EBAG9: variants seen among roughly 807,000 people sequenced by gnomAD.
EBAG9 encodes the protein receptor-binding cancer antigen expressed on SiSo cells.
EBAG9 carries 16 observed loss-of-function variants against 30.9 expected under a neutral mutation model. The ratio of observed to expected loss-of-function variants is 0.52; its 90% CI spans 0.35 to 0.79. The LOEUF is 0.79. Ranked by LOEUF, EBAG9 falls within the 30% of genes least tolerant of loss-of-function variation. The pLI, the probability that EBAG9 is intolerant of heterozygous loss-of-function variation, is 0.01. For missense variants in EBAG9, 197 were observed against 242.1 expected (o/e 0.81, Z 1.24); for synonymous variants, 93 against 82.8 (o/e 1.12, Z -0.67).
intron 1 of EBAG9, among the ~76,000 whole-genome samples, chr8:109,542,765 A>C (rs2131095713): frequency 6.6e-6 from 1 of 152,308 alleles, no homozygotes; most frequent in South Asian, 2.1e-4. Flanking sequence ...TGCAAATGGT[A>C]ACTGAAGGTA....
chr8:109,544,299 T>A (rs954434188), intron 1 of EBAG9, among the ~76,000 whole-genome samples: 1 of 152,168 alleles, frequency 6.6e-6, no homozygotes, highest in Non-Finnish European at 1.5e-5. Context: ...TGTGCTTTTT[T>A]ATTCTGGGAA....
chr8:109,563,425 T>C, intron 6 of EBAG9: 3 of 1,597,584 alleles, frequency 1.9e-6, no homozygotes, highest in Non-Finnish European at 2.5e-6. Context: ...TTTACTCTGC[T>C]CTCTCCTGTT....
intron 1 of EBAG9, among the ~76,000 whole-genome samples, chr8:109,546,529 C>G (rs933625766): frequency 6.6e-6 from 1 of 152,188 alleles, no homozygotes. Flanking sequence ...CTCGAGCAAC[C>G]TTGTCCAGTC....
rs1398839249 is a variant in EBAG9, at chr8:109,554,818, A to G, written c.252A>G (p.Gln84=). The G allele has an allele frequency of 6.2e-7, 1 of 1,613,890 alleles. No individual in the cohort carries two copies. The highest frequency in any genetic ancestry group is 1.1e-5 in the South Asian group (1 of 91,068). ...GGAATGGGAATGTGGCAACACAACAAAATTCTTTGGAACAACTGGAACCTG... is the reference window on the plus strand; with the variant it reads ...GGAATGGGAATGTGGCAACACAACAGAATTCTTTGGAACAACTGGAACCTG... The part of the protein sequence containing the change: ...EGGNGNVATQ[Q]NSLEQLEPDY... The change falls in exon 4 of 7, where the codon CAA becomes CAG. Residue 84 remains glutamine (Q), a synonymous_variant. Transcript: ENST00000337573.
At chr8:109,559,926 T>G (rs1821678119) in intron 5 of EBAG9, among the ~76,000 whole-genome samples, 1 of 152,150 alleles carries the variant, frequency 6.6e-6, no homozygotes, top group Admixed American at 6.5e-5. Flanking sequence ...GCTTTAAAAA[T>G]CCTCCTTTCA....
At chr8:109,554,965 A>AT (rs1821568202) in intron 4 of EBAG9, 78 bp downstream of exon 4, 2 of 1,399,736 alleles carry the variant, frequency 1.4e-6, no homozygotes. Flanking sequence ...TACAATTCAC[A>AT]TTTATTAGAA....
At chr8:109,556,863 T>C (rs1821607908) in intron 4 of EBAG9, 72 bp from the exon 5 acceptor site, 2 of 677,706 alleles carry the variant, frequency 3.0e-6, no homozygotes, top group Non-Finnish European at 4.5e-6. Flanking sequence ...AATTAGAAAA[T>C]GTTTTGGTTG....
chr8:109,563,504 G>C, intron 6 of EBAG9: 1 of 1,597,142 alleles, frequency 6.3e-7, no homozygotes, highest in Non-Finnish European at 8.5e-7. Flanking sequence ...GTGAGTCTGG[G>C]TCAGTGGAGT....
chr8:109,554,030 G>A, intron 3 of EBAG9, 87 bp downstream of exon 3: 2 of 912,672 alleles, frequency 2.2e-6, no homozygotes, highest in East Asian at 3.0e-5. Flanking sequence ...AAACTGGATT[G>A]CAGATCATTA....
Position 109,565,411 on chromosome 8 carries a change from C to T in EBAG9, c.*852C>T, listed in dbSNP as rs1012541212. On this transcript the variant is annotated 3_prime_UTR_variant, in exon 7 of 7. Transcript: ENST00000337573. The stretch of plus-strand genomic sequence containing the variant: ...TTACAAATGCTTAAAGCCATCAGGT[C>T]AAATATTTCAAAGCCTTTAGATGAT... The T allele has an allele frequency of 1.3e-5, 2 of 151,980 alleles. No homozygotes were observed. The highest frequency in any genetic ancestry group is 1.3e-4 in the Admixed American group (2 of 15,254). The allele number at this position is 151,980 out of a possible 1,614,324, so 9.4% of individuals were successfully genotyped here.
rs1051811226 is a variant in EBAG9 at position 109,565,221 on chromosome 8, C to T, written c.*662C>T. 4 of 152,394 alleles carry T rather than the reference C, an allele frequency of 2.6e-5. No individual in the cohort carries two copies. The highest frequency in any genetic ancestry group is 9.7e-5 in the African/African-American group (4 of 41,410). 9.4% of individuals were successfully genotyped at this position (152,394 alleles called of 1,614,324 possible). Reference sequence around the variant, plus strand: ...GTGTTGTCATACATGTAATTTATATCACATGTATAAACATTGAAAATCAAC... The same window carrying T: ...GTGTTGTCATACATGTAATTTATATTACATGTATAAACATTGAAAATCAAC... On this transcript the variant is annotated 3_prime_UTR_variant, in exon 7 of 7. Coordinates refer to ENST00000337573, the MANE Select transcript of EBAG9 (RefSeq NM_004215.5).
chr8:109,545,682 A>C lies in EBAG9; in HGVS notation c.-15-5128A>C, dbSNP rs763875682. Among the ~76,000 whole-genome samples the C allele has an allele frequency of 5.9e-5, 9 of 152,238 alleles. No homozygotes were observed. In the South Asian group the frequency reaches 6.2e-4, roughly 11 times the overall value. On this transcript the variant is annotated intron_variant, in intron 1 of 6. Coordinates refer to ENST00000337573, the MANE Select transcript of EBAG9 (RefSeq NM_004215.5). ...CCAGCATAGTTTTATCATTTTTAGA[A>C]TCTTTATTCCTATCATTGCTATGGC... is the stretch of plus-strand genomic sequence containing the variant.
At chr8:109,556,914 C>A (rs1772144290) in intron 4 of EBAG9, 21 bp from the exon 5 acceptor site, 9 of 1,418,766 alleles carry the variant, frequency 6.3e-6, no homozygotes, top group Non-Finnish European at 8.7e-6. Context: ...CCCTATAATT[C>A]TTTTTCAATT....
At chr8:109,553,809 T>G (rs1821541162) in intron 2 of EBAG9, 56 bp from the exon 3 acceptor site, 1 of 1,416,058 alleles carries the variant, frequency 7.1e-7, no homozygotes, top group Non-Finnish European at 9.8e-7. Flanking sequence ...ATAATAGTGC[T>G]TTTACTTTGC....
chr8:109,554,962 C>T, intron 4 of EBAG9, 75 bp downstream of exon 4: 1 of 1,372,070 alleles, frequency 7.3e-7, no homozygotes, highest in Non-Finnish European at 1.0e-6. Context: ...TGATACAATT[C>T]ACATTTATTA....
At chr8:109,562,515 G>A (rs889194517) in intron 6 of EBAG9, among the ~76,000 whole-genome samples, 3 of 151,864 alleles carry the variant, frequency 2.0e-5, no homozygotes, top group African/African-American at 7.3e-5. Flanking sequence ...TCCACATTCC[G>A]TATTGTCTAA....
chr8:109,561,365 A>G (rs1200944780), intron 6 of EBAG9, among the ~76,000 whole-genome samples: 1 of 152,068 alleles, frequency 6.6e-6, no homozygotes, highest in East Asian at 1.9e-4. Flanking sequence ...AACTTATGTG[A>G]CACTCTACAT....
upstream of EBAG9, chr8:109,539,994 C>T (rs1008510102): frequency 6.5e-6 from 1 of 152,808 alleles, no homozygotes; most frequent in Non-Finnish European, 1.5e-5. Context: ...CAGCCCTAGC[C>T]TCTGGGGCAT....
rs758704614 is a variant in EBAG9 at position 109,556,937 on chromosome 8, T to C, written c.324T>C (p.Ile108=). ...MTPTIRKTQK[I]VIKKREPLNF... ...TTCTTTTTCAATTAATCTTTCAGAT[T>C]GTTATTAAGAAGAGAGAACCATTGA... Residue 108 remains isoleucine (I), a splice_region_variant and synonymous_variant, in exon 5 of 7, where the codon ATT becomes ATC. Coordinates refer to ENST00000337573, the MANE Select transcript of EBAG9 (RefSeq NM_004215.5). The C allele has an allele frequency of 3.2e-6, 5 of 1,565,956 alleles. No individual in the cohort carries two copies. The highest frequency in any genetic ancestry group is 1.8e-5 in the Admixed American group (1 of 55,740).
Sources: gnomAD v4.1 joint callset for allele counts (sites outside exome capture counted in the v4.1 genomes callset) on GRCh38, gnomAD v4.1.1 for gene constraint, MANE v1.5 for transcripts, NCBI Gene and HGNC (gene_info 2026-07-23, HGNC 2026-07-21) for gene names.